ITPR1: variants seen among roughly 807,000 people sequenced by gnomAD.
ITPR1 encodes inositol 1,4,5-trisphosphate-gated calcium channel ITPR1.
A neutral mutation model predicts 318.4 loss-of-function variants in ITPR1; 96 were observed. The ratio of observed to expected loss-of-function variants is 0.30; its 90% CI spans 0.26 to 0.36. The LOEUF (loss-of-function observed/expected upper bound fraction) is 0.36, where lower values mean the gene tolerates loss of function less well. Among genes scored for constraint, ITPR1 ranks in the 10% least tolerant of loss-of-function variants. The pLI is 1.00. For missense variants in ITPR1, 2,440 were observed against 3,460.2 expected (o/e 0.71, Z 7.40); for synonymous variants, 1,312 against 1,289.9 (o/e 1.02, Z -0.37).
chr3:4,525,949 A>G (rs1404910269), intron 4 of ITPR1, among the ~76,000 whole-genome samples: 2 of 152,196 alleles, frequency 1.3e-5, no homozygotes, highest in Admixed American at 1.3e-4. Context: ...TGCTCTTTTT[A>G]AATATAAATC....
At chr3:4,546,976 C>T (rs1225491035) in intron 4 of ITPR1, among the ~76,000 whole-genome samples, 1 of 152,112 alleles carries the variant, frequency 6.6e-6, no homozygotes, top group Non-Finnish European at 1.5e-5. Context: ...TTTGGTTTGT[C>T]CCTGACTAGC....
intron 4 of ITPR1, among the ~76,000 whole-genome samples, chr3:4,611,048 T>A (rs1575712210): frequency 3.7e-5 from 1 of 26,966 alleles, no homozygotes; most frequent in African/African-American, 1.5e-4. Flanking sequence ...CCTCCCTCCC[T>A]CCCTCCCTCC....
At chr3:4,836,609 T>C in intron 60 of ITPR1, among the ~76,000 whole-genome samples, 165 bp from the exon 61 acceptor site, 1 of 151,920 alleles carries the variant, frequency 6.6e-6, no homozygotes. Context: ...AAAAGATAGC[T>C]ACTGAGCAAT....
At position 4,813,232 on chromosome 3, in the gene ITPR1, A is replaced by G. The variant is rs369183965; in HGVS notation, c.7559A>G (p.Glu2520Gly). ...AACTGCTCCTCTCCTGCACCCAGAG[A>G]AGGTAGGACCTCCTAACTGTAAGCC... The part of the protein sequence containing the change: ...GENCSSPAPR[E>G]ELVPAEETEQ... The change falls in exon 57 of 62, where the codon GAA (glutamate) becomes GGA (glycine). Residue 2520 changes from glutamate (E) to glycine (G), a missense_variant and splice_region_variant. This residue lies in a region of ITPR1 where 88 missense variants were observed against 90.5 expected (regional missense o/e 0.97). Transcript: ENST00000649015. The G allele has an allele frequency of 4.4e-6, 7 of 1,605,274 alleles. No homozygotes were observed. The African/African-American group carries it at 8.0e-5, about 18-fold the overall frequency.
At chr3:4,567,999 AT>A (rs1176763709) in intron 4 of ITPR1, among the ~76,000 whole-genome samples, 16 of 3,566 alleles carry the variant, frequency 4.5e-3, no homozygotes, top group Admixed American at 0.039. Flanking sequence ...TGCTCAGTAG[AT>A]TATTTATCAG....
chr3:4,713,633 A>T (rs1209578322), intron 39 of ITPR1, among the ~76,000 whole-genome samples: 1 of 152,254 alleles, frequency 6.6e-6, no homozygotes, highest in Non-Finnish European at 1.5e-5. Flanking sequence ...AAATGTCGTA[A>T]TGCATGTTAT....
At chr3:4,593,999 T>G (rs1447486700) in intron 4 of ITPR1, among the ~76,000 whole-genome samples, 2 of 152,102 alleles carry the variant, frequency 1.3e-5, no homozygotes, top group Non-Finnish European at 2.9e-5. Context: ...ACCAGGAGAA[T>G]CTATGTGGGA....
intron 44 of ITPR1, among the ~76,000 whole-genome samples, chr3:4,736,188 T>TAC (rs544012576): frequency 2.6e-5 from 4 of 151,924 alleles, no homozygotes; most frequent in Non-Finnish European, 4.4e-5. Context: ...CGTGTACACA[T>TAC]ACACACACAC....
intron 12 of ITPR1, among the ~76,000 whole-genome samples, chr3:4,655,693 C>T (rs994138908): frequency 6.6e-6 from 1 of 152,162 alleles, no homozygotes; most frequent in Non-Finnish European, 1.5e-5. Context: ...CCTCAGAGTT[C>T]AGTGGTCTTT....
chr3:4,761,680 G>C (rs1401376613), intron 44 of ITPR1, among the ~76,000 whole-genome samples: 1 of 152,196 alleles, frequency 6.6e-6, no homozygotes, highest in Non-Finnish European at 1.5e-5. Context: ...TGGGTGAAGA[G>C]TGATGAATTG....
chr3:4,751,090 G>C (rs1357852780), intron 44 of ITPR1: 1 of 152,638 alleles, frequency 6.6e-6, no homozygotes, highest in Non-Finnish European at 1.5e-5. Flanking sequence ...TGGAGGAGAA[G>C]GGCTGTTTGT....
intron 28 of ITPR1, 74 bp from the exon 29 acceptor site, chr3:4,684,207 C>T (rs972437398): frequency 2.7e-5 from 25 of 934,016 alleles, no homozygotes; most frequent in Non-Finnish European, 3.6e-5. Flanking sequence ...TCCTAAAGGT[C>T]GATGCTAACT....
At chr3:4,834,510 G>C (rs1278661413) in intron 60 of ITPR1, among the ~76,000 whole-genome samples, 1 of 152,178 alleles carries the variant, frequency 6.6e-6, no homozygotes, top group Admixed American at 6.5e-5. Context: ...GGCTTCAGCA[G>C]CCCAGCCCAC....
intron 60 of ITPR1, 47 bp downstream of exon 60, chr3:4,818,289 C>G (rs775375633): frequency 1.4e-6 from 2 of 1,463,078 alleles, no homozygotes; most frequent in East Asian, 4.6e-5. Flanking sequence ...GGGGCCTACT[C>G]AGCTCTGAGC....
intron 44 of ITPR1, among the ~76,000 whole-genome samples, chr3:4,742,307 C>G (rs1344252991): frequency 2.0e-5 from 3 of 152,190 alleles, no homozygotes; most frequent in Non-Finnish European, 2.9e-5. Flanking sequence ...AAAGCCTAGT[C>G]CCTTCCTTAT....
intron 45 of ITPR1, among the ~76,000 whole-genome samples, chr3:4,767,599 A>C (rs1006986214): frequency 1.3e-5 from 2 of 152,236 alleles, no homozygotes; most frequent in African/African-American, 4.8e-5. Flanking sequence ...GCTCACTGCA[A>C]CGTCCAACTC....
chr3:4,791,010 G>C (rs1318420580), intron 52 of ITPR1, among the ~76,000 whole-genome samples: 1 of 152,184 alleles, frequency 6.6e-6, no homozygotes. Context: ...AGAGTTGAAT[G>C]TGCTGACACT....
chr3:4,669,900 T>C, intron 19 of ITPR1, 127 bp downstream of exon 19: 1 of 979,784 alleles, frequency 1.0e-6, no homozygotes, highest in South Asian at 2.7e-5. Context: ...GCATTTGATC[T>C]TCTTATTGGA....
In ITPR1 at chr3:4,680,660, C is replaced by A; in HGVS notation, c.3075C>A (p.Asn1025Lys). The change falls in exon 25 of 62, where the codon AAC becomes AAA. Residue 1025 changes from asparagine to lysine, a missense_variant. Transcript: ENST00000649015. The part of the protein sequence containing the change: ...NSQTSETSSG[N>K]SSQEGPSNVP... ...AGACTTCAGAAACATCCTCCGGAAA[C>A]AGCAGCCAAGAAGGGCCAAGTAATG... The A allele has an allele frequency of 6.2e-7, 1 of 1,613,520 alleles. No individual in the cohort carries two copies. Among genetic ancestry groups the A allele is most frequent in the Non-Finnish European group, 8.5e-7 (1 of 1,179,622 alleles).
Sources: allele counts gnomAD v4.1 joint callset (sites outside exome capture counted in the v4.1 genomes callset), GRCh38; gene constraint gnomAD v4.1.1; regional missense constraint gnomAD v4.1.1; transcripts MANE v1.5; gene names NCBI Gene and HGNC (gene_info 2026-07-23, HGNC 2026-07-21).